XYLT1: variants seen among roughly 807,000 people sequenced by gnomAD.
The protein encoded by XYLT1 is xylosyltransferase 1.
In XYLT1, 36 loss-of-function variants were observed where a neutral mutation model predicts 91.3. The observed-to-expected ratio is 0.39, with a 90% CI of 0.30 to 0.52. XYLT1 has a LOEUF of 0.52. Ranked by LOEUF, XYLT1 falls within the 20% of genes least tolerant of loss-of-function variation. XYLT1 has a pLI of 0.68. For synonymous variants in XYLT1, 588 were observed against 532.0 expected (o/e 1.11, Z -1.45); for missense variants, 1,242 against 1,284.5 (o/e 0.97, Z 0.51).
At chr16:17,112,290 A>G (rs970994105) in intron 11 of XYLT1, among the ~76,000 whole-genome samples, 1 of 151,954 alleles carries the variant, frequency 6.6e-6, no homozygotes, top group African/African-American at 2.4e-5. Context: ...TCATTTTACA[A>G]ATTGCATTGC....
At chr16:17,219,280 C>CAAAAAAAAAAAAAAAAAAA (rs369055155) in intron 3 of XYLT1, among the ~76,000 whole-genome samples, 30 of 85,030 alleles carry the variant, frequency 3.5e-4, no homozygotes, top group South Asian at 4.9e-4. Flanking sequence ...GACTTTGTCT[C>CAAAAAAAAAAAAAAAAAAA]AAAAAAAAAA....
intron 6 of XYLT1, among the ~76,000 whole-genome samples, chr16:17,149,203 G>A (rs1041181415): frequency 2.0e-5 from 3 of 152,194 alleles, no homozygotes; most frequent in African/African-American, 7.2e-5. Flanking sequence ...TAACAAAGAA[G>A]TTTCTCAATT....
intron 1 of XYLT1, among the ~76,000 whole-genome samples, chr16:17,427,000 A>G (rs2036326499): frequency 6.6e-6 from 1 of 152,102 alleles, no homozygotes; most frequent in Non-Finnish European, 1.5e-5. Context: ...GAGAAAGGAG[A>G]GTGTGGCTTG....
At chr16:17,180,733 G>A (rs2032049046) in intron 5 of XYLT1, among the ~76,000 whole-genome samples, 1 of 152,170 alleles carries the variant, frequency 6.6e-6, no homozygotes, top group Admixed American at 6.5e-5. Context: ...CTTATAGGCA[G>A]TGGGCCAAGA....
intron 1 of XYLT1, 148 bp from the exon 2 acceptor site, chr16:17,358,198 T>C: frequency 1.7e-5 from 13 of 771,736 alleles, no homozygotes; most frequent in South Asian, 3.7e-5. Flanking sequence ...GGCATGATCA[T>C]AGCTCACTCA....
intron 3 of XYLT1, among the ~76,000 whole-genome samples, chr16:17,216,088 T>C (rs932396734): frequency 6.6e-6 from 1 of 152,172 alleles, no homozygotes; most frequent in Non-Finnish European, 1.5e-5. Context: ...GCCTGCTCTA[T>C]CTGTACTCCC....
intron 8 of XYLT1, among the ~76,000 whole-genome samples, chr16:17,137,802 C>A (rs1420944225): frequency 1.3e-5 from 2 of 152,196 alleles, no homozygotes; most frequent in Non-Finnish European, 2.9e-5. Flanking sequence ...CAGAAAAGTG[C>A]AATTCATTAA....
intron 3 of XYLT1, among the ~76,000 whole-genome samples, chr16:17,205,923 T>G (rs933138730): frequency 6.6e-6 from 1 of 152,062 alleles, no homozygotes; most frequent in African/African-American, 2.4e-5. Context: ...CTAAGAGGGT[T>G]AGTTGGGTCT....
chr16:17,138,250 G>C, intron 8 of XYLT1, 105 bp downstream of exon 8: 1 of 1,362,090 alleles, frequency 7.3e-7, no homozygotes, highest in Non-Finnish European at 1.0e-6. Flanking sequence ...AGCCAGGTTT[G>C]GGCACCATGT....
chr16:17,321,578 G>A (rs1251306596), intron 2 of XYLT1, among the ~76,000 whole-genome samples: 1 of 151,710 alleles, frequency 6.6e-6, no homozygotes, highest in African/African-American at 2.4e-5. Flanking sequence ...GGCTGGTCTC[G>A]AACTCCTGAC....
At chr16:17,149,303 A>G (rs1016150445) in intron 6 of XYLT1, among the ~76,000 whole-genome samples, 1 of 152,226 alleles carries the variant, frequency 6.6e-6, no homozygotes, top group Non-Finnish European at 1.5e-5. Flanking sequence ...TTTAGAAGGA[A>G]TAACTCTGCT....
chr16:17,414,461 G>C (rs536971084), intron 1 of XYLT1, among the ~76,000 whole-genome samples: 1 of 152,146 alleles, frequency 6.6e-6, no homozygotes, highest in African/African-American at 2.4e-5. Context: ...CTCTGGAGTG[G>C]CTGGGACCAC....
chr16:17,112,541 G>A (rs182730139), intron 11 of XYLT1, among the ~76,000 whole-genome samples: 7 of 151,994 alleles, frequency 4.6e-5, no homozygotes, highest in Non-Finnish European at 7.4e-5. Flanking sequence ...GCTTCATTCT[G>A]ACCAACAGGT....
chr16:17,191,807 T>G (rs956227622), intron 5 of XYLT1, among the ~76,000 whole-genome samples: 3 of 152,230 alleles, frequency 2.0e-5, no homozygotes, highest in Non-Finnish European at 4.4e-5. Context: ...CTGCAGTTAA[T>G]GTAACTTACA....
At position 17,141,207 on chromosome 16, in the gene XYLT1, G is replaced by C. The variant is rs760198193; in HGVS notation, c.1533C>G (p.Asp511Glu). Reference sequence around the variant, plus strand: ...ACTGTTTCATCTTGGTCACCAGATCGTCTGTGGAGAAGGTCACATATTCTA... The same window carrying C: ...ACTGTTTCATCTTGGTCACCAGATCCTCTGTGGAGAAGGTCACATATTCTA... ...RFVEYVTFST[D>E]DLVTKMKQFY... is the part of the protein sequence containing the mutation. Residue 511 changes from aspartate (D) to glutamate (E), a missense_variant, in exon 7 of 12, where the codon GAC becomes GAG. Physicochemically the swap from Asp to Glu is conservative, Grantham distance 45 (BLOSUM62 2). Around this residue, in one of 3 missense-constraint regions of XYLT1, gnomAD observed 294 missense variants for 376.0 expected, o/e 0.78. Transcript: ENST00000261381. 1 of 1,614,078 alleles carries C rather than the reference G, an allele frequency of 6.2e-7. No individual in the cohort carries two copies. The highest frequency in any genetic ancestry group is 1.3e-5 in the African/African-American group (1 of 74,926).
chr16:17,249,734 T>A (rs770598128), intron 3 of XYLT1: 4 of 152,350 alleles, frequency 2.6e-5, no homozygotes, highest in Non-Finnish European at 5.9e-5. Context: ...AGTGGTGTGA[T>A]CTCAGCTCAC....
intron 10 of XYLT1, among the ~76,000 whole-genome samples, chr16:17,122,857 T>A (rs140637801): frequency 1.3e-5 from 2 of 152,212 alleles, no homozygotes; most frequent in Admixed American, 1.3e-4. Context: ...TTTCCCACTT[T>A]GTTTTTGTGT....
chr16:17,133,635 G>A (rs1207119218), intron 9 of XYLT1, among the ~76,000 whole-genome samples: 1 of 152,200 alleles, frequency 6.6e-6, no homozygotes. Flanking sequence ...CCCAATTCTT[G>A]TTGCAATTAT....
Position 17,186,820 on chromosome 16 carries a change from G to A in XYLT1, c.1289+11392C>T, listed in dbSNP as rs574034826. 1.4e-4 allele frequency among the ~76,000 whole-genome samples: 22 copies of A among 152,260 alleles called. 1 individual carries two copies. The South Asian group carries it at 4.4e-3, about 30-fold the overall frequency. On this transcript the variant is annotated intron_variant, in intron 5 of 11. Coordinates refer to ENST00000261381, the MANE Select transcript of XYLT1 (RefSeq NM_022166.4). ...AGCCTGTCTTCTCCTGGGAGACCTT[G>A]GAGTCCCCGTCAGAGCACACCTGTG...
Sources: allele counts gnomAD v4.1 joint callset (sites outside exome capture counted in the v4.1 genomes callset), GRCh38; gene constraint gnomAD v4.1.1; regional missense constraint gnomAD v4.1.1; transcripts MANE v1.5; gene names NCBI Gene and HGNC (gene_info 2026-07-23, HGNC 2026-07-21).